ASIC2: variants seen among roughly 807,000 people sequenced by gnomAD.
The protein encoded by ASIC2 is acid sensing ion channel subunit 2, also known as acid-sensing ion channel 2.
In ASIC2, 25 loss-of-function variants were observed where a neutral mutation model predicts 57.3. The ratio of observed to expected loss-of-function variants is 0.44; its 90% CI spans 0.32 to 0.61. ASIC2 has a LOEUF of 0.61. Ranked by LOEUF, ASIC2 falls within the 20% of genes least tolerant of loss-of-function variation. The pLI is 0.06. For missense variants in ASIC2, 641 were observed against 738.1 expected, an observed-to-expected ratio of 0.87 and a Z score of 1.52; for synonymous variants, 319 against 307.5, an observed-to-expected ratio of 1.04 and a Z score of -0.39.
intron 1 of ASIC2, among the ~76,000 whole-genome samples, chr17:33,522,574 C>G (rs1914774771): frequency 6.6e-6 from 1 of 152,228 alleles, no homozygotes; most frequent in Non-Finnish European, 1.5e-5. Context: ...TAATTCCCGT[C>G]TCCCAGAATT....
intron 1 of ASIC2, among the ~76,000 whole-genome samples, chr17:33,205,893 AC>A (rs1397302263): frequency 2.0e-5 from 3 of 152,114 alleles, no homozygotes; most frequent in Admixed American, 6.5e-5. Flanking sequence ...GGCCACAAAG[AC>A]CCCCTAATTC....
intron 1 of ASIC2, among the ~76,000 whole-genome samples, chr17:33,307,604 C>T (rs974099587): frequency 6.6e-6 from 1 of 152,192 alleles, no homozygotes; most frequent in Non-Finnish European, 1.5e-5. Flanking sequence ...GCCAGCACAC[C>T]CGACCTTCTA....
Position 33,348,164 on chromosome 17 carries a change from G to A in ASIC2, c.556-236097C>T, listed in dbSNP as rs541027069. 7.9e-5 allele frequency among the ~76,000 whole-genome samples: 12 copies of A among 152,306 alleles called. No homozygotes were observed. In the East Asian group the frequency reaches 2.1e-3, roughly 27 times the overall value. On this transcript the variant is annotated intron_variant, in intron 1 of 9. Coordinates refer to the ASIC2 transcript ENST00000359872. ...AAGGTCAACAAACTGAGAGGCCAAA[G>A]CATGGATGGACCTTCTACGTGGATT...
At chr17:34,035,289 G>T (rs1311786092) in intron 1 of ASIC2, among the ~76,000 whole-genome samples, 1 of 144,732 alleles carries the variant, frequency 6.9e-6, no homozygotes, top group Non-Finnish European at 1.5e-5. Context: ...AATGGTGCTG[G>T]GAAAACTGGC....
chr17:34,055,669 G>C (rs1380600180), intron 1 of ASIC2, among the ~76,000 whole-genome samples: 1 of 151,940 alleles, frequency 6.6e-6, no homozygotes, highest in East Asian at 1.9e-4. Context: ...CTTTTACTCA[G>C]CATGTTTTTA....
chr17:33,949,039 C>T (rs2044297830), intron 1 of ASIC2, among the ~76,000 whole-genome samples: 1 of 152,020 alleles, frequency 6.6e-6, no homozygotes, highest in South Asian at 2.1e-4. Flanking sequence ...AAATGGACAT[C>T]TACATTTGAG....
chr17:33,709,971 TG>T (rs1482511128), intron 1 of ASIC2, among the ~76,000 whole-genome samples: 2 of 152,246 alleles, frequency 1.3e-5, no homozygotes, highest in Non-Finnish European at 2.9e-5. Context: ...TCTTTCTTTT[TG>T]CATTGACCTT....
chr17:34,134,013 A>G (rs185749951), intron 1 of ASIC2, among the ~76,000 whole-genome samples: 19 of 152,306 alleles, frequency 1.2e-4, no homozygotes, highest in Admixed American at 9.1e-4. Flanking sequence ...CCCTGAGAGA[A>G]GGAAACTAAT....
intron 1 of ASIC2, chr17:34,041,297 T>TGGAGAGCCCA (rs772069222): frequency 3.3e-5 from 5 of 152,210 alleles, no homozygotes; most frequent in African/African-American, 1.2e-4. Context: ...AGAGACTGGT[T>TGGAGAGCCCA]GGAGAGCCCA....
rs2091848765 is a variant in ASIC2, at chr17:33,023,845, T to C, written c.1349+16A>G. On this transcript the variant is annotated intron_variant, in intron 6 of 9. Transcript: ENST00000225823. ...AGTTCCCCCTTCCCCCTGCCTACCA[T>C]GCCCACTAAACTTACGAGATATATT... 6.2e-7 allele frequency: 1 copy of C among 1,613,784 alleles called. No individual in the cohort carries two copies. The highest frequency in any genetic ancestry group is 8.5e-7 in the Non-Finnish European group (1 of 1,179,776).
chr17:33,718,450 G>A (rs1447351293), intron 1 of ASIC2, among the ~76,000 whole-genome samples: 1 of 152,032 alleles, frequency 6.6e-6, no homozygotes, highest in Non-Finnish European at 1.5e-5. Flanking sequence ...TCCCTCATCT[G>A]CCAGGTGTCT....
chr17:33,148,683 T>A (rs145625836), intron 1 of ASIC2, among the ~76,000 whole-genome samples: 1 of 152,362 alleles, frequency 6.6e-6, no homozygotes, highest in African/African-American at 2.4e-5. Context: ...AGAAAGCATT[T>A]AGATGGATGT....
chr17:33,675,663 C>T (rs1907797034), intron 1 of ASIC2, among the ~76,000 whole-genome samples: 1 of 152,188 alleles, frequency 6.6e-6, no homozygotes, highest in Non-Finnish European at 1.5e-5. Context: ...CCTCTGCCTC[C>T]CAGGCTCAAG....
At chr17:33,679,943 C>T (rs1375222087) in intron 1 of ASIC2, among the ~76,000 whole-genome samples, 1 of 152,122 alleles carries the variant, frequency 6.6e-6, no homozygotes, top group Non-Finnish European at 1.5e-5. Context: ...GTGTAATAGC[C>T]TGGTGAGGAC....
intron 1 of ASIC2, among the ~76,000 whole-genome samples, chr17:33,143,877 A>T (rs78083383): frequency 0.041 from 6,277 of 152,320 alleles, 181 homozygotes; most frequent in East Asian, 0.084. Context: ...TACAATCTTT[A>T]AAAAAGTTGC....
intron 1 of ASIC2, among the ~76,000 whole-genome samples, chr17:33,860,231 C>A (rs1914069711): frequency 6.6e-6 from 1 of 152,152 alleles, no homozygotes; most frequent in South Asian, 2.1e-4. Flanking sequence ...AATGGGAGGC[C>A]TTCACCTTCT....
At chr17:33,451,332 C>G (rs979534069) in intron 1 of ASIC2, among the ~76,000 whole-genome samples, 4 of 152,136 alleles carry the variant, frequency 2.6e-5, no homozygotes, top group African/African-American at 4.8e-5. Context: ...CTGGGATTTA[C>G]AGGCATGAGC....
intron 1 of ASIC2, among the ~76,000 whole-genome samples, chr17:33,721,083 T>C (rs1202714032): frequency 6.6e-6 from 1 of 152,106 alleles, no homozygotes; most frequent in Non-Finnish European, 1.5e-5. Flanking sequence ...CCTTAGAACA[T>C]AGTTAAAGGC....
chr17:33,595,374 A>C (rs1172376249), intron 1 of ASIC2, among the ~76,000 whole-genome samples: 1 of 152,248 alleles, frequency 6.6e-6, no homozygotes, highest in Non-Finnish European at 1.5e-5. Context: ...TGGGAAGAGC[A>C]ACAAGATCTC....
Sources: allele counts gnomAD v4.1 joint callset (sites outside exome capture counted in the v4.1 genomes callset), GRCh38; gene constraint gnomAD v4.1.1; transcripts MANE v1.5; gene names NCBI Gene and HGNC (gene_info 2026-07-23, HGNC 2026-07-21).